Variants in CPSF2 observed in about 807,000 individuals in gnomAD.
CPSF2 encodes the protein cleavage and polyadenylation specific factor 2.
CPSF2 carries 51 observed loss-of-function variants against 84.2 expected under a neutral mutation model. That is an observed-to-expected ratio of 0.61 (90% CI 0.48 to 0.77). The LOEUF (loss-of-function observed/expected upper bound fraction) is 0.77, where lower values mean the gene tolerates loss of function less well. Ranked by LOEUF, CPSF2 falls within the 30% of genes least tolerant of loss-of-function variation. The pLI is 0.00. For missense variants in CPSF2, 641 were observed against 929.4 expected, an observed-to-expected ratio of 0.69 and a Z score of 4.03; for synonymous variants, 286 against 311.9, an observed-to-expected ratio of 0.92 and a Z score of 0.87.
rs2069461132 is a variant in CPSF2, at chr14:92,167,245, CAAGT to C, written c.*5504_*5507del. 6.6e-6 allele frequency: 1 copy of C among 152,216 alleles called. No homozygotes were observed. Among genetic ancestry groups the C allele is most frequent in the East Asian group, 1.9e-4 (1 of 5,164 alleles). 9.4% of individuals were successfully genotyped at this position (152,216 alleles called of 1,614,324 possible). On this transcript the variant is annotated 3_prime_UTR_variant, in exon 16 of 16. Transcript: ENST00000298875. ...CAGGCTGGTCTCGAACTCCTGACATCAAGTAACCCGGCTGCCTCAGCCTCCCAAA... is the reference window on the plus strand; with the variant it reads ...CAGGCTGGTCTCGAACTCCTGACATCAACCCGGCTGCCTCAGCCTCCCAAA...
At chr14:92,124,092 A>G (rs923533134) in intron 1 of CPSF2, among the ~76,000 whole-genome samples, 1 of 152,230 alleles carries the variant, frequency 6.6e-6, no homozygotes, top group Admixed American at 6.5e-5. Flanking sequence ...GAGAAGCTTT[A>G]GCATACTTAG....
At chr14:92,151,925 T>G (rs34738682) in intron 9 of CPSF2, among the ~76,000 whole-genome samples, 29,958 of 150,072 alleles carry the variant, frequency 0.2, 3,344 homozygotes, top group East Asian at 0.53. Context: ...AGTGGGAGGA[T>G]CGCTTGAGGC....
chr14:92,150,491 A>C (rs1485698001), intron 9 of CPSF2, among the ~76,000 whole-genome samples: 2 of 151,180 alleles, frequency 1.3e-5, no homozygotes, highest in African/African-American at 4.9e-5. Context: ...GCAGAGGCAC[A>C]ATCATGGCTC....
intron 6 of CPSF2, among the ~76,000 whole-genome samples, chr14:92,137,507 C>A (rs2141460008): frequency 6.6e-6 from 1 of 152,258 alleles, no homozygotes; most frequent in African/African-American, 2.4e-5. Context: ...CTGCACTAGT[C>A]CAAAATTATT....
intron 9 of CPSF2, among the ~76,000 whole-genome samples, chr14:92,144,752 T>A (rs1410025890): frequency 6.6e-6 from 1 of 152,234 alleles, no homozygotes; most frequent in African/African-American, 2.4e-5. Context: ...GGGGACCCCA[T>A]ACCAGTACTC....
intron 7 of CPSF2, among the ~76,000 whole-genome samples, chr14:92,140,713 T>C (rs966825988): frequency 2.0e-5 from 3 of 151,928 alleles, no homozygotes; most frequent in African/African-American, 7.3e-5. Flanking sequence ...ATTATAGGTG[T>C]GAGCCACCAT....
At position 92,164,984 on chromosome 14, in the gene CPSF2, G is replaced by C. The variant is rs144757986; in HGVS notation, c.*3240G>C. On this transcript the variant is annotated 3_prime_UTR_variant, in exon 16 of 16. Transcript: ENST00000298875. The stretch of plus-strand genomic sequence containing the variant: ...CCATTAATCTACTTTCTGTCTCCTT[G>C]AATTTGGATTTTCTGGACACTTCAT... 9.2e-5 allele frequency: 14 copies of C among 152,222 alleles called. No individual in the cohort carries two copies. The highest frequency in any genetic ancestry group is 2.6e-4 in the African/African-American group (11 of 41,512). The allele number at this position is 152,222 out of a possible 1,614,324, so 9.4% of individuals were successfully genotyped here. A position where few individuals can be genotyped will look rare whatever the true frequency, so the allele number is the denominator to read the frequency against.
At position 92,168,276 on chromosome 14, in the gene CPSF2, G is replaced by T. The variant is rs888856068; in HGVS notation, c.*6532G>T. 2 of 150,640 alleles carry T rather than the reference G, an allele frequency of 1.3e-5. No individual in the cohort carries two copies. Among genetic ancestry groups the T allele is most frequent in the African/African-American group, 2.4e-5 (1 of 41,004 alleles). The allele number at this position is 150,640 out of a possible 1,614,324, so 9.3% of individuals were successfully genotyped here. On this transcript the variant is annotated 3_prime_UTR_variant, in exon 16 of 16. Coordinates refer to ENST00000298875, the MANE Select transcript of CPSF2 (RefSeq NM_017437.3). ...AAAAAAAAAAAAAAAAGGGCAGGGG[G>T]AGCGGCTAGAGAAGGAACATTCAAA...
Position 92,170,945 on chromosome 14 carries a change from G to A in CPSF2, c.*9201G>A, listed in dbSNP as rs1211535259. Reference sequence around the variant, plus strand: ...ATAAACTTAAAAAGTACAGCATGATGTTTTGGTATATGTATCCATAGTGAA... The same window carrying A: ...ATAAACTTAAAAAGTACAGCATGATATTTTGGTATATGTATCCATAGTGAA... On this transcript the variant is annotated 3_prime_UTR_variant, in exon 16 of 16. Transcript: ENST00000298875. 6.6e-6 allele frequency: 1 copy of A among 152,144 alleles called. No homozygotes were observed. Among genetic ancestry groups the A allele is most frequent in the Non-Finnish European group, 1.5e-5 (1 of 68,022 alleles). The allele number at this position is 152,144 out of a possible 1,614,324, so 9.4% of individuals were successfully genotyped here. A position where few individuals can be genotyped will look rare whatever the true frequency, so the allele number is the denominator to read the frequency against.
intron 2 of CPSF2, among the ~76,000 whole-genome samples, chr14:92,128,709 C>T (rs917877825): frequency 6.6e-6 from 1 of 151,968 alleles, no homozygotes; most frequent in East Asian, 1.9e-4. Flanking sequence ...AAGTAGTCAG[C>T]GAATTAGAGA....
At position 92,129,460 on chromosome 14, in the gene CPSF2, T is replaced by C. The variant is rs530242501; in HGVS notation, c.-34-1491T>C. Among the ~76,000 whole-genome samples the C allele has an allele frequency of 1.6e-4, 25 of 152,318 alleles. No homozygotes were observed. The East Asian group carries it at 1.9e-3, about 12-fold the overall frequency. On this transcript the variant is annotated intron_variant, in intron 2 of 15. Transcript: ENST00000298875. ...GATGTGGTGGGTTTAGCAGCCCCTG[T>C]CAGCCTCTTATGAAAGGTGGATATT...
intron 6 of CPSF2, among the ~76,000 whole-genome samples, chr14:92,136,628 G>T (rs2141459107): frequency 6.6e-6 from 1 of 152,270 alleles, no homozygotes; most frequent in Admixed American, 6.5e-5. Flanking sequence ...GAAGCTGAAG[G>T]CAGCTCCCTT....
chr14:92,133,713 G>T (rs2068964155), intron 3 of CPSF2, among the ~76,000 whole-genome samples: 1 of 151,262 alleles, frequency 6.6e-6, no homozygotes, highest in African/African-American at 2.4e-5. Context: ...CGATTTGCCT[G>T]CCTTGGCCTC....
intron 2 of CPSF2, among the ~76,000 whole-genome samples, chr14:92,126,591 A>C (rs2068848455): frequency 6.6e-6 from 1 of 152,186 alleles, no homozygotes; most frequent in African/African-American, 2.4e-5. Context: ...TGGGTGGATC[A>C]CTTGAGCCCA....
chr14:92,135,532 A>T (rs773638216), intron 6 of CPSF2, 36 bp downstream of exon 6: 21 of 1,565,670 alleles, frequency 1.3e-5, no homozygotes, highest in Non-Finnish European at 1.6e-5. Context: ...AGGCAATGCA[A>T]TTGGTATTAT....
At chr14:92,132,263 T>C (rs2141454471) in intron 3 of CPSF2, among the ~76,000 whole-genome samples, 1 of 151,970 alleles carries the variant, frequency 6.6e-6, no homozygotes, top group Non-Finnish European at 1.5e-5. Flanking sequence ...GCCTCCCAAG[T>C]AGCTGAGATT....
chr14:92,158,966 C>G lies in CPSF2; in HGVS notation c.1822-17C>G, dbSNP rs751777898. 2.5e-6 allele frequency: 4 copies of G among 1,580,434 alleles called. No individual in the cohort carries two copies. Among genetic ancestry groups the G allele is most frequent in the Non-Finnish European group, 2.6e-6 (3 of 1,162,976 alleles). On this transcript the variant is annotated splice_polypyrimidine_tract_variant and intron_variant, in intron 13 of 15. Coordinates refer to ENST00000298875, the MANE Select transcript of CPSF2 (RefSeq NM_017437.3). ...TTCTGTGGGTTTTATTTCTCTCCCC[C>G]TCCTTTGCATGTCTAGGTGAGGTTA...
chr14:92,158,992 A>G lies in CPSF2; in HGVS notation c.1831A>G (p.Lys611Glu). 1 of 1,611,622 alleles carries G rather than the reference A, an allele frequency of 6.2e-7. No homozygotes were observed. The highest frequency in any genetic ancestry group is 8.5e-7 in the Non-Finnish European group (1 of 1,178,564). Residue 611 changes from lysine (K) to glutamate (E), a missense_variant, in exon 14 of 16, where the codon AAA becomes GAA. Physicochemically the swap from Lys to Glu is moderately conservative, Grantham distance 56. Coordinates refer to ENST00000298875, the MANE Select transcript of CPSF2 (RefSeq NM_017437.3). ...TCCTTTGCATGTCTAGGTGAGGTTA[A>G]AAGACTCACTTGTCAGCTCTCTTCA... ...SETHIYQVRL[K>E]DSLVSSLQFC...
chr14:92,141,433 G>C (rs1311689464), intron 7 of CPSF2, among the ~76,000 whole-genome samples: 1 of 152,122 alleles, frequency 6.6e-6, no homozygotes, highest in East Asian at 1.9e-4. Context: ...CTGGGCTCAA[G>C]CAGTCTCCCT....
Sources: allele counts gnomAD v4.1 joint callset (sites outside exome capture counted in the v4.1 genomes callset), GRCh38; gene constraint gnomAD v4.1.1; transcripts MANE v1.5; gene names NCBI Gene and HGNC (gene_info 2026-07-23, HGNC 2026-07-21).